Variants in SHCBP1L observed in about 807,000 individuals in gnomAD.
SHCBP1L encodes testicular spindle-associated protein SHCBP1L.
Under a neutral mutation model 62.5 loss-of-function variants are expected in SHCBP1L, and 67 were observed. The observed-to-expected ratio is 1.07, with a 90% CI of 0.88 to 1.31. SHCBP1L has a LOEUF of 1.31. Among genes scored for constraint, SHCBP1L ranks in the 40% most tolerant of loss-of-function variants. SHCBP1L has a pLI of 0.00. For synonymous variants in SHCBP1L, 284 were observed against 289.4 expected (o/e 0.98, Z 0.19); for missense variants, 823 against 809.8 (o/e 1.02, Z -0.20).
At chr1:182,945,429 G>C (rs574425396) in intron 2 of SHCBP1L, among the ~76,000 whole-genome samples, 5 of 152,216 alleles carry the variant, frequency 3.3e-5, no homozygotes, top group Admixed American at 6.5e-5. Flanking sequence ...GTTCTATTCT[G>C]AAGTGGTTCT....
chr1:182,943,534 C>T (rs992268961), intron 2 of SHCBP1L, among the ~76,000 whole-genome samples: 5 of 151,300 alleles, frequency 3.3e-5, no homozygotes, highest in South Asian at 4.2e-4. Flanking sequence ...GCAACCTCTG[C>T]CTCCCAGGTT....
rs1267675245 is a variant in SHCBP1L, at chr1:182,936,149, T to G, written c.1076+3027A>C. ...TTTTTTGTTTTTTTTTTTTTTTTTT[T>G]TTTTGAGACAGAGTCTTATTCTGTC... On this transcript the variant is annotated intron_variant, in intron 5 of 9. Transcript: ENST00000367547. Among the ~76,000 whole-genome samples, 4 of 145,756 alleles carry G rather than the reference T, an allele frequency of 2.7e-5. No homozygotes were observed. The East Asian group carries it at 6.0e-4, about 22-fold the overall frequency.
In SHCBP1L at chr1:182,949,827, C is replaced by CTT. The variant is rs1193224921; in HGVS notation, c.555+1489_555+1490dup. Among the ~76,000 whole-genome samples the CTT allele has an allele frequency of 7.8e-4, 107 of 136,918 alleles. 2 individuals carry two copies. The highest frequency in any genetic ancestry group is 3.9e-3 in the Middle Eastern group (1 of 256). The allele number at this position is 136,918 out of a possible 152,430, so 89.8% of individuals were successfully genotyped here. A position where few individuals can be genotyped will look rare whatever the true frequency, so the allele number is the denominator to read the frequency against. Reference sequence around the variant, plus strand: ...TCTCTGTGACTGAAAATATGGTATTCTTTTTTTTTTTTTTTTTGAGATGGG... The same window carrying CTT: ...TCTCTGTGACTGAAAATATGGTATTCTTTTTTTTTTTTTTTTTTTGAGATGGG... On this transcript the variant is annotated intron_variant, in intron 2 of 9. Coordinates refer to ENST00000367547, the MANE Select transcript of SHCBP1L (RefSeq NM_030933.4).
At chr1:182,935,274 T>C (rs1390968768) in intron 5 of SHCBP1L, among the ~76,000 whole-genome samples, 1 of 152,186 alleles carries the variant, frequency 6.6e-6, no homozygotes, top group Non-Finnish European at 1.5e-5. Context: ...TGGGAAGAAC[T>C]GACATTTTTA....
At chr1:182,918,213 CAT>C (rs1303529317) in intron 6 of SHCBP1L, among the ~76,000 whole-genome samples, 1 of 147,000 alleles carries the variant, frequency 6.8e-6, no homozygotes, top group East Asian at 2.0e-4. Flanking sequence ...TATATATACA[CAT>C]ATATATACAC....
At chr1:182,951,544 T>TA in intron 1 of SHCBP1L, 77 bp from the exon 2 acceptor site, 1 of 940,334 alleles carries the variant, frequency 1.1e-6, no homozygotes, top group African/African-American at 1.7e-5. Flanking sequence ...TTTTTTTTTT[T>TA]ACTGATTTCT....
At chr1:182,946,014 T>C (rs1175910057) in intron 2 of SHCBP1L, among the ~76,000 whole-genome samples, 1 of 148,596 alleles carries the variant, frequency 6.7e-6, no homozygotes, top group Non-Finnish European at 1.5e-5. Context: ...GAGCCAAGAC[T>C]GCACCACTGC....
At chr1:182,906,368 C>G (rs564062633) in intron 6 of SHCBP1L, among the ~76,000 whole-genome samples, 1 of 152,028 alleles carries the variant, frequency 6.6e-6, no homozygotes, top group Non-Finnish European at 1.5e-5. Flanking sequence ...ATGCTCTTCC[C>G]TATGTATCAT....
At chr1:182,952,633 G>T in intron 1 of SHCBP1L, 96 bp downstream of exon 1, 1 of 1,406,334 alleles carries the variant, frequency 7.1e-7, no homozygotes, top group Non-Finnish European at 9.5e-7. Flanking sequence ...GTTGTGCCCT[G>T]TGGATCCCCA....
Position 182,903,107 on chromosome 1 carries a change from T to A in SHCBP1L, c.1642A>T (p.Ile548Phe). ...GTTCTGAGGTTATTACAGTGATGAATTTCATTTCTTTCCAAAATAGCTATG... is the reference window on the plus strand; with the variant it reads ...GTTCTGAGGTTATTACAGTGATGAAATTCATTTCTTTCCAAAATAGCTATG... The part of the protein sequence containing the change: ...GSIAILERNE[I>F]HHCNNLRTSN... Residue 548 changes from isoleucine to phenylalanine, a missense_variant, in exon 9 of 10, where the codon ATT (isoleucine) becomes TTT (phenylalanine). Ile to Phe is a conservative substitution (Grantham distance 21). Coordinates refer to ENST00000367547, the MANE Select transcript of SHCBP1L (RefSeq NM_030933.4). The A allele has an allele frequency of 1.2e-6, 2 of 1,602,362 alleles. No individual in the cohort carries two copies. Among genetic ancestry groups the A allele is most frequent in the Non-Finnish European group, 1.7e-6 (2 of 1,173,926 alleles).
chr1:182,900,724 C>T (rs369200629), intron 9 of SHCBP1L, among the ~76,000 whole-genome samples: 1 of 152,188 alleles, frequency 6.6e-6, no homozygotes, highest in East Asian at 1.9e-4. Flanking sequence ...AGCCACCATG[C>T]CCAGCCAATA....
At chr1:182,916,841 A>G (rs1375177115) in intron 6 of SHCBP1L, among the ~76,000 whole-genome samples, 2 of 152,200 alleles carry the variant, frequency 1.3e-5, no homozygotes, top group Non-Finnish European at 2.9e-5. Flanking sequence ...ACACTAAATA[A>G]TAACTTATGA....
rs190811979 is a variant in SHCBP1L at position 182,907,559 on chromosome 1, A to C, written c.1183-1910T>G. 5.6e-3 allele frequency among the ~76,000 whole-genome samples: 843 copies of C among 149,878 alleles called. 11 individuals are homozygous for C. The highest frequency in any genetic ancestry group is 0.02 in the African/African-American group (802 of 40,622). The stretch of plus-strand genomic sequence containing the variant: ...GCATTATCATGCATATATCTTTCTT[A>C]TTCTTATTATTATTATTATTATTGT... On this transcript the variant is annotated intron_variant, in intron 6 of 9. Transcript: ENST00000367547.
At chr1:182,947,962 C>T (rs540669101) in intron 2 of SHCBP1L, among the ~76,000 whole-genome samples, 1 of 152,214 alleles carries the variant, frequency 6.6e-6, no homozygotes, top group Non-Finnish European at 1.5e-5. Flanking sequence ...CAAGCACAGA[C>T]CTCTGTGCCC....
rs752789658 is a variant in SHCBP1L, at chr1:182,900,118, G to A, written c.1827C>T (p.Leu609=). Residue 609 remains leucine, a synonymous_variant, in exon 10 of 10, where the codon CTC becomes CTT. Transcript: ENST00000367547. ...TATCTCCTGAAGAAGCCCTTTTGTT[G>A]AGAGCTTCTTCTGCTACGATAAAAA... The part of the protein sequence containing the change: ...EQFFIVAEEA[L]NKRASSGDKK... The A allele has an allele frequency of 6.2e-7, 1 of 1,612,430 alleles. No homozygotes were observed. The highest frequency in any genetic ancestry group is 1.1e-5 in the South Asian group (1 of 90,908).
chr1:182,939,391 C>T lies in SHCBP1L; in HGVS notation c.861G>A (p.Trp287Ter), dbSNP rs762350684. Residue 287 changes from tryptophan to a stop codon, truncating the protein, a stop_gained, in exon 5 of 10, where the codon TGG (tryptophan) becomes TGA (stop). Coordinates refer to ENST00000367547, the MANE Select transcript of SHCBP1L (RefSeq NM_030933.4). LOFTEE classifies it high-confidence loss of function. ...TALIEERINL[W>*]CDIQDGTIPG... is the part of the protein sequence containing the mutation. ...GTATTGTTCCATCCTGTATATCACACCACCTGAAAATTATCAACATAATTA... is the reference window on the plus strand; with the variant it reads ...GTATTGTTCCATCCTGTATATCACATCACCTGAAAATTATCAACATAATTA... 2 of 1,612,156 alleles carry T rather than the reference C, an allele frequency of 1.2e-6. No homozygotes were observed. Among genetic ancestry groups the T allele is most frequent in the Admixed American group, 3.3e-5 (2 of 59,742 alleles).
In SHCBP1L at chr1:182,951,347, A is replaced by G; in HGVS notation, c.526T>C (p.Ser176Pro). 6.3e-7 allele frequency: 1 copy of G among 1,592,416 alleles called. No homozygotes were observed. Among genetic ancestry groups the G allele is most frequent in the Non-Finnish European group, 8.5e-7 (1 of 1,170,756 alleles). The change falls in exon 2 of 10, where the codon TCT becomes CCT. Residue 176 changes from serine (S) to proline (P), a missense_variant. Transcript: ENST00000367547. ...ACCAATATACCAACAAAAGGGATAG[A>G]AGCTTCTTCATATTTCACAAAGAAT... ...SVFFVKYEEA[S>P]IPFVGILVEV...
At chr1:182,904,148 T>C (rs951208731) in intron 8 of SHCBP1L, 32 bp downstream of exon 8, 3 of 1,609,166 alleles carry the variant, frequency 1.9e-6, no homozygotes, top group African/African-American at 1.3e-5. Context: ...TCTATAGTCA[T>C]ATAAGGCCAT....
rs1463256863 is a variant in SHCBP1L at position 182,930,703 on chromosome 1, G to GTGTA, written c.1077-952_1077-951insTACA. ...TGTGTGTGTGTGTGTGTGTGTGTGT[G>GTGTA]TATATATATATATATATATATGTAT... On this transcript the variant is annotated intron_variant, in intron 5 of 9. Coordinates refer to ENST00000367547, the MANE Select transcript of SHCBP1L (RefSeq NM_030933.4). 9.4e-3 allele frequency among the ~76,000 whole-genome samples: 134 copies of GTGTA among 14,258 alleles called. 1 individual carries two copies. Among genetic ancestry groups the GTGTA allele is most frequent in the African/African-American group, 0.012 (59 of 5,066 alleles). The allele number at this position is 14,258 out of a possible 152,430, so 9.4% of individuals were successfully genotyped here.
Sources: allele counts gnomAD v4.1 joint callset (sites outside exome capture counted in the v4.1 genomes callset), GRCh38; gene constraint gnomAD v4.1.1; transcripts MANE v1.5; gene names NCBI Gene and HGNC (gene_info 2026-07-23, HGNC 2026-07-21).